The following PTPRT variants were observed in gnomAD, a reference collection of about 807,000 sequenced individuals.
PTPRT encodes the protein receptor-type tyrosine-protein phosphatase T.
Under a neutral mutation model 176.8 loss-of-function variants are expected in PTPRT, and 56 were observed. The observed-to-expected ratio is 0.32, with a 90% CI of 0.26 to 0.40. The LOEUF (loss-of-function observed/expected upper bound fraction) is 0.40, where lower values mean the gene tolerates loss of function less well. Ranked by LOEUF, PTPRT falls within the 10% of genes least tolerant of loss-of-function variation. The pLI, the probability that PTPRT is intolerant of heterozygous loss-of-function variation, is 1.00. For synonymous variants in PTPRT, 783 were observed against 739.0 expected (o/e 1.06, Z -0.96); for missense variants, 1,540 against 1,908.2 (o/e 0.81, Z 3.60).
At chr20:42,903,618 T>C (rs1380760407) in intron 1 of PTPRT, among the ~76,000 whole-genome samples, 4 of 152,234 alleles carry the variant, frequency 2.6e-5, no homozygotes, top group African/African-American at 4.8e-5. Context: ...AGTGAAGCTT[T>C]GGCAATTTAG....
chr20:42,184,575 T>TCTTCTTCTTCTTCTTCTG (rs1990674980), intron 16 of PTPRT, among the ~76,000 whole-genome samples: 11 of 138,864 alleles, frequency 7.9e-5, no homozygotes, highest in African/African-American at 3.0e-4. Context: ...TTCTTCTTCT[T>TCTTCTTCTTCTTCTTCTG]CTTCTTCTTC....
intron 1 of PTPRT, among the ~76,000 whole-genome samples, chr20:42,994,513 AC>A (rs1984121039): frequency 6.6e-6 from 1 of 152,168 alleles, no homozygotes; most frequent in Admixed American, 6.5e-5. Context: ...GGAACCTAGA[AC>A]AATACAATTT....
chr20:42,666,227 G>A (rs1442766762), intron 7 of PTPRT, among the ~76,000 whole-genome samples: 1 of 152,120 alleles, frequency 6.6e-6, no homozygotes, highest in African/African-American at 2.4e-5. Context: ...TACTTGTAAA[G>A]TGCTACCCAG....
At chr20:43,174,060 C>T (rs2015068871) in intron 1 of PTPRT, among the ~76,000 whole-genome samples, 1 of 152,232 alleles carries the variant, frequency 6.6e-6, no homozygotes, top group Admixed American at 6.5e-5. Flanking sequence ...TCCCCAAAGA[C>T]ATGCTCATTG....
chr20:42,800,485 G>A (rs1022459804), intron 2 of PTPRT, among the ~76,000 whole-genome samples: 1 of 152,150 alleles, frequency 6.6e-6, no homozygotes, highest in Non-Finnish European at 1.5e-5. Flanking sequence ...ACCCCAAATT[G>A]TTCTTGACAT....
At chr20:43,090,307 G>C (rs564785022) in intron 1 of PTPRT, among the ~76,000 whole-genome samples, 1 of 148,642 alleles carries the variant, frequency 6.7e-6, no homozygotes, top group Non-Finnish European at 1.5e-5. Flanking sequence ...TTGTTCTGTC[G>C]CCCAGGCTGG....
chr20:42,841,913 C>T (rs531764747), intron 2 of PTPRT, among the ~76,000 whole-genome samples: 2 of 152,356 alleles, frequency 1.3e-5, no homozygotes, highest in East Asian at 3.9e-4. Context: ...AGGCCTGTGA[C>T]TTGTGCATTA....
chr20:43,048,460 C>T (rs1209121983), intron 1 of PTPRT, among the ~76,000 whole-genome samples: 1 of 152,074 alleles, frequency 6.6e-6, no homozygotes, highest in Non-Finnish European at 1.5e-5. Flanking sequence ...GGCCCCATGG[C>T]AACCCGGATT....
chr20:42,987,222 C>T (rs1213369744), intron 1 of PTPRT, among the ~76,000 whole-genome samples: 1 of 152,176 alleles, frequency 6.6e-6, no homozygotes, highest in East Asian at 1.9e-4. Context: ...GGAGCTTCTC[C>T]CCCAGCTGCC....
At chr20:42,125,199 T>C (rs1042459014) in intron 19 of PTPRT, among the ~76,000 whole-genome samples, 1 of 152,200 alleles carries the variant, frequency 6.6e-6, no homozygotes, top group African/African-American at 2.4e-5. Flanking sequence ...TTCACATCCT[T>C]ATTAAACTTT....
intron 8 of PTPRT, among the ~76,000 whole-genome samples, chr20:42,470,232 T>G (rs1789185578): frequency 6.6e-6 from 1 of 152,128 alleles, no homozygotes; most frequent in South Asian, 2.1e-4. Flanking sequence ...GAGACAAAAG[T>G]TACTGAAATT....
rs113412379 is a variant in PTPRT at position 42,184,376 on chromosome 20, G to C, written c.2491+14864C>G. Among the ~76,000 whole-genome samples, 1,186 of 152,072 alleles carry C rather than the reference G, an allele frequency of 7.8e-3. 7 individuals carry two copies. Among genetic ancestry groups the C allele is most frequent in the African/African-American group, 0.027 (1,126 of 41,492 alleles). ...CTATGATGTTTTCTTTGATCACCTT[G>C]AAGTACCTTAAGGATTCTATTTCCT... On this transcript the variant is annotated intron_variant, in intron 16 of 30. Coordinates refer to ENST00000373187, the MANE Select transcript of PTPRT (RefSeq NM_007050.6).
At chr20:42,408,662 G>A (rs1048978981) in intron 9 of PTPRT, among the ~76,000 whole-genome samples, 2 of 151,290 alleles carry the variant, frequency 1.3e-5, no homozygotes, top group African/African-American at 4.9e-5. Flanking sequence ...GGTGAACAGA[G>A]AATTAAACCT....
At chr20:42,413,606 T>C (rs2059037390) in intron 9 of PTPRT, among the ~76,000 whole-genome samples, 1 of 152,196 alleles carries the variant, frequency 6.6e-6, no homozygotes, top group Non-Finnish European at 1.5e-5. Context: ...ATTTCAGCTG[T>C]GCAAGATGGT....
intron 6 of PTPRT, among the ~76,000 whole-genome samples, chr20:42,700,354 G>T (rs1304361304): frequency 6.6e-6 from 1 of 152,072 alleles, no homozygotes; most frequent in Non-Finnish European, 1.5e-5. Context: ...AAGCCTGGAG[G>T]CTGGCAGGCC....
intron 2 of PTPRT, among the ~76,000 whole-genome samples, chr20:42,843,589 T>C (rs1019282197): frequency 2.0e-5 from 3 of 152,190 alleles, no homozygotes; most frequent in Non-Finnish European, 4.4e-5. Context: ...AGTTGAGCAA[T>C]AGTAAGAATA....
chr20:43,038,968 T>C (rs1235692179), intron 1 of PTPRT, among the ~76,000 whole-genome samples: 1 of 152,206 alleles, frequency 6.6e-6, no homozygotes, highest in Non-Finnish European at 1.5e-5. Context: ...ATGTTGTACT[T>C]AGATAAGAGA....
At chr20:43,040,872 T>G (rs1042150991) in intron 1 of PTPRT, among the ~76,000 whole-genome samples, 3 of 152,180 alleles carry the variant, frequency 2.0e-5, no homozygotes, top group Non-Finnish European at 4.4e-5. Flanking sequence ...CTGCTTCCAC[T>G]CCATTCCTCA....
chr20:42,206,566 A>T (rs6030050), intron 15 of PTPRT, among the ~76,000 whole-genome samples: 94,223 of 152,002 alleles, frequency 0.62, 30,079 homozygotes, highest in African/African-American at 0.77. Context: ...AATACTGCGC[A>T]TTTCCGACGG....
Sources: gnomAD v4.1 joint callset for allele counts (sites outside exome capture counted in the v4.1 genomes callset) on GRCh38, gnomAD v4.1.1 for gene constraint, MANE v1.5 for transcripts, NCBI Gene and HGNC (gene_info 2026-07-23, HGNC 2026-07-21) for gene names.